PHACTR1: variants seen among roughly 807,000 people sequenced by gnomAD.
PHACTR1 encodes phosphatase and actin regulator 1, also known as RPEL repeat containing 1.
A neutral mutation model predicts 69.2 loss-of-function variants in PHACTR1; 16 were observed. That is an observed-to-expected ratio of 0.23 (90% CI 0.16 to 0.35). PHACTR1 has a LOEUF of 0.35. Ranked by LOEUF, PHACTR1 falls within the 10% of genes least tolerant of loss-of-function variation. The pLI, the probability that PHACTR1 is intolerant of heterozygous loss-of-function variation, is 1.00. For missense variants in PHACTR1, 510 were observed against 734.7 expected (o/e 0.69, Z 3.54); for synonymous variants, 312 against 284.5 (o/e 1.10, Z -0.97).
rs368936756 is a variant in PHACTR1, at chr6:12,885,511, G to A, written c.250+135721G>A. 5.3e-5 allele frequency among the ~76,000 whole-genome samples: 8 copies of A among 152,298 alleles called. No individual in the cohort carries two copies. The South Asian group carries it at 1.7e-3, about 32-fold the overall frequency. The stretch of plus-strand genomic sequence containing the variant: ...GGCTTTGGCTATTTTTTCCCCCTTT[G>A]AAGTTGGAAATTGCAATCTGGCTTT... On this transcript the variant is annotated intron_variant, in intron 4 of 14. Coordinates refer to ENST00000332995, the MANE Select transcript of PHACTR1 (RefSeq NM_030948.6).
At chr6:12,921,147 A>G (rs1053681671) in intron 4 of PHACTR1, among the ~76,000 whole-genome samples, 1 of 152,216 alleles carries the variant, frequency 6.6e-6, no homozygotes, top group East Asian at 1.9e-4. Flanking sequence ...CCTTAAACCA[A>G]GCACCCTAAG....
At chr6:12,876,039 A>G (rs1193012767) in intron 4 of PHACTR1, among the ~76,000 whole-genome samples, 1 of 152,192 alleles carries the variant, frequency 6.6e-6, no homozygotes, top group African/African-American at 2.4e-5. Flanking sequence ...AATATTTCTC[A>G]ATTAACTCAA....
chr6:13,039,486 A>T (rs1803843590), intron 4 of PHACTR1, among the ~76,000 whole-genome samples: 1 of 152,164 alleles, frequency 6.6e-6, no homozygotes, highest in Non-Finnish European at 1.5e-5. Flanking sequence ...GCCAAGATTG[A>T]TATTTGATTA....
chr6:12,880,911 G>A (rs1537339), intron 4 of PHACTR1, among the ~76,000 whole-genome samples: 16,024 of 152,170 alleles, frequency 0.11, 2,544 homozygotes, highest in African/African-American at 0.35. Context: ...TTATCAGGCT[G>A]TGAAATGTGA....
chr6:12,735,417 G>A (rs1764113859), intron 3 of PHACTR1, among the ~76,000 whole-genome samples: 1 of 152,154 alleles, frequency 6.6e-6, no homozygotes, highest in South Asian at 2.1e-4. Flanking sequence ...CAAGAGTCGG[G>A]GTTCATCAAG....
intron 4 of PHACTR1, among the ~76,000 whole-genome samples, chr6:12,916,360 T>A (rs1306147288): frequency 6.6e-6 from 1 of 152,190 alleles, no homozygotes; most frequent in Non-Finnish European, 1.5e-5. Flanking sequence ...TTTTCTCCAG[T>A]GGAAAACTTC....
intron 3 of PHACTR1, among the ~76,000 whole-genome samples, chr6:12,731,658 C>A (rs1208043661): frequency 2.6e-5 from 4 of 152,118 alleles, no homozygotes; most frequent in Admixed American, 2.0e-4. Context: ...ATGATATTGA[C>A]CCCATTTTAG....
At chr6:13,094,028 C>T (rs1813725461) in intron 5 of PHACTR1, among the ~76,000 whole-genome samples, 1 of 152,022 alleles carries the variant, frequency 6.6e-6, no homozygotes, top group Admixed American at 6.6e-5. Context: ...CGTGCCACCA[C>T]ACCTGGTTAA....
chr6:12,939,435 C>T (rs934446686), intron 4 of PHACTR1, among the ~76,000 whole-genome samples: 1 of 151,932 alleles, frequency 6.6e-6, no homozygotes, highest in Admixed American at 6.6e-5. Context: ...CATAGAAATC[C>T]CTGGTTTGTA....
chr6:13,100,324 CT>C (rs924565615), intron 5 of PHACTR1, among the ~76,000 whole-genome samples: 1 of 151,934 alleles, frequency 6.6e-6, no homozygotes, highest in Non-Finnish European at 1.5e-5. Flanking sequence ...GATTTTTTTT[CT>C]AGTATTTGCA....
intron 3 of PHACTR1, among the ~76,000 whole-genome samples, chr6:12,733,784 T>C (rs1020400850): frequency 3.3e-5 from 5 of 152,344 alleles, no homozygotes; most frequent in Admixed American, 3.3e-4. Context: ...GAATATGAAT[T>C]AGAAATACTA....
intron 4 of PHACTR1, among the ~76,000 whole-genome samples, chr6:12,837,518 A>C (rs1778278193): frequency 6.6e-6 from 1 of 152,204 alleles, no homozygotes. Flanking sequence ...AATTAAGCAG[A>C]TATCTAGCAT....
intron 10 of PHACTR1, among the ~76,000 whole-genome samples, chr6:13,262,301 G>C (rs1026055296): frequency 6.6e-6 from 1 of 152,198 alleles, no homozygotes; most frequent in African/African-American, 2.4e-5. Context: ...CACTTGGAGA[G>C]GAAGATGTAT....
intron 8 of PHACTR1, among the ~76,000 whole-genome samples, chr6:13,214,547 G>GT (rs1767383886): frequency 6.6e-6 from 1 of 152,208 alleles, no homozygotes; most frequent in African/African-American, 2.4e-5. Context: ...TCGCTAAGGT[G>GT]TAGGGAATCG....
At chr6:13,250,435 C>T (rs1202732765) in intron 10 of PHACTR1, among the ~76,000 whole-genome samples, 2 of 152,166 alleles carry the variant, frequency 1.3e-5, no homozygotes, top group African/African-American at 2.4e-5. Context: ...GCTGGGAATA[C>T]GGTCCAGTTT....
chr6:13,167,996 C>T (rs1360137091), intron 6 of PHACTR1, among the ~76,000 whole-genome samples: 1 of 152,216 alleles, frequency 6.6e-6, no homozygotes, highest in African/African-American at 2.4e-5. Flanking sequence ...CATAGTTTAT[C>T]TGGTATTCCA....
chr6:12,852,587 A>G (rs1779942721), intron 4 of PHACTR1, among the ~76,000 whole-genome samples: 1 of 152,106 alleles, frequency 6.6e-6, no homozygotes, highest in African/African-American at 2.4e-5. Context: ...ATTTATATTT[A>G]TATTTACTGA....
intron 7 of PHACTR1, among the ~76,000 whole-genome samples, chr6:13,196,120 C>A (rs1764371398): frequency 6.6e-6 from 1 of 152,184 alleles, no homozygotes; most frequent in South Asian, 2.1e-4. Flanking sequence ...GCAGAGAGCT[C>A]TGTGTGTTTC....
At chr6:12,796,323 A>G (rs1274988608) in intron 4 of PHACTR1, among the ~76,000 whole-genome samples, 1 of 152,222 alleles carries the variant, frequency 6.6e-6, no homozygotes, top group Admixed American at 6.5e-5. Flanking sequence ...TGCTACTTGG[A>G]AGACTGCTTG....
Sources: allele counts gnomAD v4.1 joint callset (sites outside exome capture counted in the v4.1 genomes callset), GRCh38; gene constraint gnomAD v4.1.1; transcripts MANE v1.5; gene names NCBI Gene and HGNC (gene_info 2026-07-23, HGNC 2026-07-21).